AR: variants seen among roughly 807,000 people sequenced by gnomAD.
The protein encoded by AR is dihydrotestosterone receptor.
A neutral mutation model predicts 53.9 loss-of-function variants in AR; 8 were observed. The observed-to-expected ratio is 0.15, with a 90% CI of 0.09 to 0.27. The LOEUF (loss-of-function observed/expected upper bound fraction) is 0.27, where lower values mean the gene tolerates loss of function less well. Ranked by LOEUF, AR falls within the 10% of genes least tolerant of loss-of-function variation. The pLI is 1.00. For missense variants in AR, 639 were observed against 742.5 expected, an observed-to-expected ratio of 0.86 and a Z score of 1.62; for synonymous variants, 359 against 316.4, an observed-to-expected ratio of 1.13 and a Z score of -1.43.
intron 1 of AR, 74 bp downstream of exon 1, chrX:67,546,836 G>A (rs2147323717): frequency 9.3e-7 from 1 of 1,076,014 alleles, no homozygotes; most frequent in Non-Finnish European, 1.3e-6. Context: ...GTATCTAGCG[G>A]CTCCTACCTG....
intron 4 of AR, among the ~76,000 whole-genome samples, chrX:67,715,097 T>C (rs1011620871): frequency 1.8e-5 from 2 of 111,762 alleles, no homozygotes; most frequent in East Asian, 5.7e-4. Context: ...CATCCTTCCA[T>C]GTGCCTTCAC....
chrX:67,547,286 A>G (rs911262811), intron 1 of AR, among the ~76,000 whole-genome samples: 1 of 111,593 alleles, frequency 9.0e-6, no homozygotes, highest in Non-Finnish European at 1.9e-5. Context: ...TAGGGAAAGA[A>G]AGTGGTCTCT....
At chrX:67,571,171 A>T (rs1288199200) in intron 1 of AR, among the ~76,000 whole-genome samples, 1 of 111,579 alleles carries the variant, frequency 9.0e-6, no homozygotes, top group Non-Finnish European at 1.9e-5. Flanking sequence ...TTCTTTGATT[A>T]TATTATTTTC....
Position 67,643,263 on chromosome X carries a change from A to T in AR, c.1624A>T (p.Thr542Ser), listed in dbSNP as rs749866054. Residue 542 changes from threonine to serine, a missense_variant, in exon 2 of 8, where the codon ACT becomes TCT. By Grantham distance (58) the Thr-to-Ser change is moderately conservative. Around this residue, in one of 5 missense-constraint regions of AR, gnomAD observed 423 missense variants for 377.0 expected, o/e 1.12. Coordinates refer to ENST00000374690, the MANE Select transcript of AR (RefSeq NM_000044.6). The part of the protein sequence containing the change: ...SGPYGDMRLE[T>S]ARDHVLPIDY... Reference sequence around the variant, plus strand: ...TTTTTTGTGTCTTTCCAGTTTGGAGACTGCCAGGGACCATGTTTTGCCCAT... The same window carrying T: ...TTTTTTGTGTCTTTCCAGTTTGGAGTCTGCCAGGGACCATGTTTTGCCCAT... 8.3e-7 allele frequency: 1 copy of T among 1,211,146 alleles called. No individual in the cohort carries two copies. Among genetic ancestry groups the T allele is most frequent in the Non-Finnish European group, 1.1e-6 (1 of 895,222 alleles).
chrX:67,659,037 G>A (rs1233898015), intron 2 of AR, among the ~76,000 whole-genome samples: 1 of 110,557 alleles, frequency 9.0e-6, no homozygotes, highest in Non-Finnish European at 1.9e-5. Flanking sequence ...TTCTTTTTTA[G>A]GTAGAGACTC....
At chrX:67,582,539 C>T (rs1922342533) in intron 1 of AR, among the ~76,000 whole-genome samples, 1 of 111,721 alleles carries the variant, frequency 9.0e-6, no homozygotes, top group Admixed American at 9.5e-5. Flanking sequence ...TAATCTGTTT[C>T]AGTCGTTGTT....
intron 1 of AR, among the ~76,000 whole-genome samples, chrX:67,578,673 A>G (rs1280589744): frequency 8.9e-6 from 1 of 111,774 alleles, no homozygotes; most frequent in East Asian, 2.8e-4. Context: ...TAATTAACAT[A>G]AAGTTCCTGG....
chrX:67,623,749 A>G (rs1022982294), intron 1 of AR, among the ~76,000 whole-genome samples: 1 of 111,875 alleles, frequency 8.9e-6, no homozygotes, highest in East Asian at 2.8e-4. Context: ...AGTCAGATTG[A>G]ATAAGAAAAA....
chrX:67,570,923 C>T (rs1378893981), intron 1 of AR, among the ~76,000 whole-genome samples: 1 of 110,484 alleles, frequency 9.1e-6, no homozygotes, highest in African/African-American at 3.3e-5. Context: ...GGGCATATTC[C>T]TTGTTTGAAT....
At chrX:67,555,116 A>G in intron 1 of AR, among the ~76,000 whole-genome samples, 1 of 110,189 alleles carries the variant, frequency 9.1e-6, no homozygotes, top group Non-Finnish European at 1.9e-5. Context: ...CCAAACAGAA[A>G]TGCAGTATCA....
At chrX:67,571,491 A>C (rs1425765717) in intron 1 of AR, among the ~76,000 whole-genome samples, 1 of 111,703 alleles carries the variant, frequency 9.0e-6, no homozygotes, top group African/African-American at 3.2e-5. Flanking sequence ...CTGAGAAGGA[A>C]GTGGTCATTA....
intron 1 of AR, among the ~76,000 whole-genome samples, chrX:67,635,532 G>A (rs891925554): frequency 3.3e-4 from 37 of 110,866 alleles, no homozygotes; most frequent in African/African-American, 1.2e-3. Context: ...AAAGAAAGTT[G>A]GGGGACAGGA....
chrX:67,546,340 C>T lies in AR; in HGVS notation c.1194C>T (p.Ala398=), dbSNP rs201038724. 234 of 1,190,141 alleles carry T rather than the reference C, an allele frequency of 2.0e-4. No homozygotes were observed. The highest frequency in any genetic ancestry group is 2.4e-4 in the Non-Finnish European group (214 of 885,666). Reference sequence around the variant, plus strand: ...AGAACCCGCTGGACTACGGCAGCGCCTGGGCGGCTGCGGCGGCGCAGTGCC... The same window carrying T: ...AGAACCCGCTGGACTACGGCAGCGCTTGGGCGGCTGCGGCGGCGCAGTGCC... ...KLENPLDYGS[A]WAAAAAQCRY... is the part of the protein sequence containing the mutation. Residue 398 remains alanine (A), a synonymous_variant, in exon 1 of 8, where the codon GCC becomes GCT. Coordinates refer to ENST00000374690, the MANE Select transcript of AR (RefSeq NM_000044.6).
rs1213943835 is a variant in AR at position 67,551,001 on chromosome X, G to GTTT, written c.1616+4260_1616+4262dup. ...AGGGGATTGCAAAATGAATAGCTGG[G>GTTT]TTTTTTTTTTTTTTTTTTTTTTTAC... On this transcript the variant is annotated intron_variant, in intron 1 of 7. Transcript: ENST00000374690. Among the ~76,000 whole-genome samples, 85 of 76,589 alleles carry GTTT rather than the reference G, an allele frequency of 1.1e-3. 4 individuals carry two copies. Among genetic ancestry groups the GTTT allele is most frequent in the African/African-American group, 2.5e-3 (42 of 16,474 alleles). The allele number at this position is 76,589 out of a possible 115,157, so 66.5% of individuals were successfully genotyped here.
chrX:67,711,726 G>A (rs762348443), intron 4 of AR, 37 bp downstream of exon 4: 5 of 1,166,939 alleles, frequency 4.3e-6, no homozygotes, highest in Admixed American at 2.4e-5. Context: ...AGATAAGGGG[G>A]ATCATATTTA....
chrX:67,603,029 T>G lies in AR; in HGVS notation c.1617-40227T>G, dbSNP rs1923451724. Among the ~76,000 whole-genome samples the G allele has an allele frequency of 2.7e-5, 3 of 111,555 alleles. No individual in the cohort carries two copies. In the Admixed American group the frequency reaches 2.9e-4, roughly 11 times the overall value. ...AGTAATAGAGGACATGTATTATTAA[T>G]TTTAGTAGTATTAATAGTAATGATA... On this transcript the variant is annotated intron_variant, in intron 1 of 7. Coordinates refer to ENST00000374690, the MANE Select transcript of AR (RefSeq NM_000044.6).
chrX:67,640,645 T>G (rs1258473288), intron 1 of AR, among the ~76,000 whole-genome samples: 1 of 111,719 alleles, frequency 9.0e-6, no homozygotes, highest in Non-Finnish European at 1.9e-5. Flanking sequence ...TTTGTATTTC[T>G]GTGGGATCCG....
chrX:67,549,159 T>C (rs1014012891), intron 1 of AR, among the ~76,000 whole-genome samples: 4 of 112,489 alleles, frequency 3.6e-5, no homozygotes, highest in African/African-American at 1.3e-4. Context: ...TTTCTCTTTT[T>C]TTCCCTCATT....
intron 1 of AR, among the ~76,000 whole-genome samples, chrX:67,607,294 C>T (rs1923675719): frequency 9.0e-6 from 1 of 111,638 alleles, no homozygotes; most frequent in African/African-American, 3.3e-5. Context: ...TCCCAAAGTA[C>T]TGAGATTACG....
Sources: gnomAD v4.1 joint callset for allele counts (sites outside exome capture counted in the v4.1 genomes callset) on GRCh38, gnomAD v4.1.1 for gene constraint, gnomAD v4.1.1 regional missense constraint, MANE v1.5 for transcripts, NCBI Gene and HGNC (gene_info 2026-07-23, HGNC 2026-07-21) for gene names.